The following ZNF713 variants were observed in gnomAD, a reference collection of about 807,000 sequenced individuals.
ZNF713 encodes the protein zinc finger protein 713.
In ZNF713, 21 loss-of-function variants were observed where a neutral mutation model predicts 28.7. That is an observed-to-expected ratio of 0.73 (90% CI 0.52 to 1.05). The LOEUF (loss-of-function observed/expected upper bound fraction) is 1.05. Ranked by LOEUF, ZNF713 falls within the 50% of genes least tolerant of loss-of-function variation. The pLI is 0.00. For missense variants in ZNF713, 458 were observed against 532.4 expected (o/e 0.86, Z 1.37); for synonymous variants, 167 against 178.0 (o/e 0.94, Z 0.49).
At chr7:55,931,073 G>A (rs1335157924) in intron 6 of ZNF713, among the ~76,000 whole-genome samples, 1 of 152,082 alleles carries the variant, frequency 6.6e-6, no homozygotes, top group Non-Finnish European at 1.5e-5. Context: ...ATCACGTGAG[G>A]TCAGGAGTTC....
At chr7:55,905,870 G>A (rs1243721655) in intron 1 of ZNF713, among the ~76,000 whole-genome samples, 1 of 151,970 alleles carries the variant, frequency 6.6e-6, no homozygotes, top group East Asian at 1.9e-4. Context: ...TTGGGAGACC[G>A]AGACGGGCGC....
At chr7:55,887,748 CGGGG>C (rs1244269191) in intron 1 of ZNF713, 68 bp downstream of exon 1, 29 of 1,278 alleles carry the variant, frequency 0.023, 7 homozygotes, top group South Asian at 0.043. Flanking sequence ...GGGGCGGAGG[CGGGG>C]GGCGGAGGCG....
In ZNF713 at chr7:55,890,340, C is replaced by T. The variant is rs905706722; in HGVS notation, c.-583+2660C>T. Among the ~76,000 whole-genome samples the T allele has an allele frequency of 1.2e-4, 18 of 151,036 alleles. No individual in the cohort carries two copies. In the Admixed American group the frequency reaches 1.2e-3, roughly 10 times the overall value. ...TGGTGGGTGCCTGTAATCCCAGCAA[C>T]TTGGGAAGCTGAGGCAGGAGAATTG... On this transcript the variant is annotated intron_variant, in intron 1 of 6. Coordinates refer to ENST00000429591, the MANE Select transcript of ZNF713 (RefSeq NM_182633.3).
intron 6 of ZNF713, among the ~76,000 whole-genome samples, chr7:55,937,161 G>A (rs904133425): frequency 2.3e-4 from 35 of 152,054 alleles, no homozygotes; most frequent in African/African-American, 8.5e-4. Context: ...TTAACCAGGT[G>A]TAGTGGTGCA....
At position 55,892,577 on chromosome 7, in the gene ZNF713, AAC is replaced by A. The variant is rs1554335047; in HGVS notation, c.-583+4899_-583+4900del. On this transcript the variant is annotated intron_variant, in intron 1 of 6. Transcript: ENST00000429591. The stretch of plus-strand genomic sequence containing the variant: ...GACCAAAAAAAAAAAAAAAAAAAAA[AAC>A]AAAGCAGAATAGGCTGGGCGCGGTG... 2.1e-4 allele frequency among the ~76,000 whole-genome samples: 31 copies of A among 150,302 alleles called. No individual in the cohort carries two copies. The South Asian group carries it at 5.5e-3, about 27-fold the overall frequency.
chr7:55,909,941 GTA>G (rs1447925127), intron 2 of ZNF713, among the ~76,000 whole-genome samples: 4 of 150,834 alleles, frequency 2.7e-5, no homozygotes, highest in African/African-American at 7.3e-5. Context: ...ATGTATGTGT[GTA>G]TATATATGTG....
intron 1 of ZNF713, among the ~76,000 whole-genome samples, chr7:55,891,496 A>G (rs1485835696): frequency 6.9e-6 from 1 of 144,908 alleles, no homozygotes; most frequent in Non-Finnish European, 1.5e-5. Context: ...CCTGGGAAAC[A>G]TGGTGAGACC....
intron 6 of ZNF713, among the ~76,000 whole-genome samples, chr7:55,934,309 A>G (rs1045857708): frequency 1.3e-5 from 2 of 152,160 alleles, no homozygotes; most frequent in African/African-American, 4.8e-5. Context: ...ACAGATCCCC[A>G]GTACCACCAA....
intron 4 of ZNF713, chr7:55,918,231 A>G (rs1785922558): frequency 5.5e-6 from 2 of 366,136 alleles, no homozygotes; most frequent in South Asian, 2.1e-5. Flanking sequence ...GCCCATATGG[A>G]GAGGAGCCAA....
chr7:55,937,126 C>T (rs1786368341), intron 6 of ZNF713, among the ~76,000 whole-genome samples: 1 of 152,052 alleles, frequency 6.6e-6, no homozygotes, highest in Admixed American at 6.6e-5. Context: ...TGGCAAAACC[C>T]TGTCTCTACT....
intron 4 of ZNF713, chr7:55,917,931 T>A: frequency 7.2e-6 from 3 of 418,348 alleles, no homozygotes; most frequent in South Asian, 5.2e-5. Context: ...AAACAGACAC[T>A]CTTACACTGC....
intron 6 of ZNF713, among the ~76,000 whole-genome samples, chr7:55,935,954 C>G (rs1399477270): frequency 6.6e-6 from 1 of 150,396 alleles, no homozygotes; most frequent in Non-Finnish European, 1.5e-5. Context: ...GACTCTGTCT[C>G]AAGAAAAAAA....
intron 1 of ZNF713, among the ~76,000 whole-genome samples, chr7:55,900,856 A>G (rs1785562442): frequency 6.6e-6 from 1 of 152,070 alleles, no homozygotes; most frequent in South Asian, 2.1e-4. Context: ...TTTCTTTTAG[A>G]GATGGGGTTT....
chr7:55,913,854 G>A (rs1421159232), intron 4 of ZNF713, among the ~76,000 whole-genome samples: 1 of 152,146 alleles, frequency 6.6e-6, no homozygotes, highest in African/African-American at 2.4e-5. Context: ...GCTCATGCCT[G>A]TAATCCCAGC....
intron 6 of ZNF713, among the ~76,000 whole-genome samples, chr7:55,935,837 C>T (rs1584320703): frequency 6.6e-6 from 1 of 151,792 alleles, no homozygotes; most frequent in East Asian, 1.9e-4. Context: ...CACCTATAGT[C>T]CCAGCTACTC....
At chr7:55,924,676 C>T (rs1406420372) in intron 6 of ZNF713, 1 of 152,156 alleles carries the variant, frequency 6.6e-6, no homozygotes, top group Non-Finnish European at 1.5e-5. Flanking sequence ...GAGTACGAGA[C>T]CAGCCTGGCC....
chr7:55,931,453 A>C (rs1786207865), intron 6 of ZNF713, among the ~76,000 whole-genome samples: 1 of 152,158 alleles, frequency 6.6e-6, no homozygotes, highest in Non-Finnish European at 1.5e-5. Context: ...GCATTTTTAA[A>C]TTAATAAGAG....
At chr7:55,893,548 C>T (rs1306945015) in intron 1 of ZNF713, among the ~76,000 whole-genome samples, 1 of 151,952 alleles carries the variant, frequency 6.6e-6, no homozygotes, top group Non-Finnish European at 1.5e-5. Context: ...TTATGACTGG[C>T]TTTGGAGAAA....
chr7:55,938,578 A>AT (rs1229537561), intron 6 of ZNF713, among the ~76,000 whole-genome samples: 17 of 151,722 alleles, frequency 1.1e-4, no homozygotes, highest in African/African-American at 4.1e-4. Context: ...AGTAGCTGGC[A>AT]TTACAATCAA....
Sources: gnomAD v4.1 joint callset for allele counts (sites outside exome capture counted in the v4.1 genomes callset) on GRCh38, gnomAD v4.1.1 for gene constraint, MANE v1.5 for transcripts, NCBI Gene and HGNC (gene_info 2026-07-23, HGNC 2026-07-21) for gene names.